The following CAMKMT variants were observed in gnomAD, a reference collection of about 807,000 sequenced individuals.
CAMKMT encodes calmodulin-lysine N-methyltransferase, also known as CaM KMT.
In CAMKMT, 53 loss-of-function variants were observed where a neutral mutation model predicts 48.0. The ratio of observed to expected loss-of-function variants is 1.10; its 90% CI spans 0.89 to 1.39. The LOEUF is 1.39. Among genes scored for constraint, CAMKMT ranks in the 40% most tolerant of loss-of-function variants. CAMKMT has a pLI of 0.00. For synonymous variants in CAMKMT, 165 were observed against 152.3 expected (o/e 1.08, Z -0.61); for missense variants, 428 against 402.7 (o/e 1.06, Z -0.54).
intron 3 of CAMKMT, among the ~76,000 whole-genome samples, chr2:44,466,371 G>C (rs1029972120): frequency 6.6e-6 from 1 of 152,084 alleles, no homozygotes; most frequent in Non-Finnish European, 1.5e-5. Context: ...AACATCAAAA[G>C]GGAAACTGGA....
At chr2:44,761,795 G>A (rs1680631146) in intron 9 of CAMKMT, among the ~76,000 whole-genome samples, 1 of 152,194 alleles carries the variant, frequency 6.6e-6, no homozygotes, top group Admixed American at 6.5e-5. Context: ...GTGTATGCGT[G>A]TGTGTGTGCT....
intron 3 of CAMKMT, among the ~76,000 whole-genome samples, chr2:44,590,426 C>G (rs951060771): frequency 2.0e-5 from 3 of 152,152 alleles, no homozygotes; most frequent in Non-Finnish European, 2.9e-5. Context: ...CTACAAATTT[C>G]TGACTTTTTA....
intron 3 of CAMKMT, among the ~76,000 whole-genome samples, chr2:44,574,270 G>A (rs373201996): frequency 6.6e-6 from 1 of 152,170 alleles, no homozygotes; most frequent in Non-Finnish European, 1.5e-5. Context: ...GCCTTTATTG[G>A]GGTTTTCACA....
intron 3 of CAMKMT, among the ~76,000 whole-genome samples, chr2:44,511,486 A>G (rs1234845089): frequency 2.2e-4 from 33 of 151,836 alleles, no homozygotes; most frequent in Admixed American, 2.1e-3. Context: ...ACAGGGTATC[A>G]CCATGTTAGC....
chr2:44,429,703 A>G (rs1257779302), intron 3 of CAMKMT, among the ~76,000 whole-genome samples: 1 of 146,508 alleles, frequency 6.8e-6, no homozygotes, highest in Non-Finnish European at 1.5e-5. Flanking sequence ...CGGGAGGCTG[A>G]GGCAGGAGAA....
intron 8 of CAMKMT, among the ~76,000 whole-genome samples, chr2:44,751,257 T>A (rs1680143442): frequency 6.6e-6 from 1 of 152,134 alleles, no homozygotes; most frequent in Non-Finnish European, 1.5e-5. Context: ...CCTAAACCAG[T>A]CAGTGCTCTC....
In CAMKMT at chr2:44,453,448, A is replaced by G. The variant is rs148686819; in HGVS notation, c.376+63143A>G. On this transcript the variant is annotated intron_variant, in intron 3 of 10. Transcript: ENST00000378494. ...TAAACATAATAATGCACATTGCCCAATTGCTTCTGTGTATGATACAGGTTC... is the reference window on the plus strand; with the variant it reads ...TAAACATAATAATGCACATTGCCCAGTTGCTTCTGTGTATGATACAGGTTC... Among the ~76,000 whole-genome samples the G allele has an allele frequency of 2.0e-3, 302 of 152,172 alleles. 1 individual carries two copies. The highest frequency in any genetic ancestry group is 0.01 in the Middle Eastern group (3 of 294).
chr2:44,389,539 G>T (rs1360123838), intron 2 of CAMKMT, among the ~76,000 whole-genome samples: 2 of 152,106 alleles, frequency 1.3e-5, no homozygotes, highest in Admixed American at 6.5e-5. Context: ...GTAGAGGATT[G>T]TAGATGGATT....
chr2:44,533,245 T>TA (rs1405339644), intron 3 of CAMKMT, among the ~76,000 whole-genome samples: 1 of 151,826 alleles, frequency 6.6e-6, no homozygotes, highest in Non-Finnish European at 1.5e-5. Flanking sequence ...ATAACAGATT[T>TA]TTTTTTTTTT....
intron 3 of CAMKMT, among the ~76,000 whole-genome samples, chr2:44,475,955 T>G (rs766655653): frequency 2.0e-4 from 30 of 152,364 alleles, no homozygotes; most frequent in Non-Finnish European, 2.6e-4. Flanking sequence ...GAAACCTTTT[T>G]GTTTCTTATC....
At chr2:44,592,172 C>T (rs1020177852) in intron 3 of CAMKMT, among the ~76,000 whole-genome samples, 4 of 151,600 alleles carry the variant, frequency 2.6e-5, no homozygotes, top group Non-Finnish European at 5.9e-5. Flanking sequence ...ATGTAACTAA[C>T]CTGAATATTG....
intron 9 of CAMKMT, among the ~76,000 whole-genome samples, chr2:44,764,376 T>C (rs966331213): frequency 7.4e-6 from 1 of 135,130 alleles, no homozygotes; most frequent in African/African-American, 2.8e-5. Context: ...TTTCTAATCT[T>C]ACATCAGTAT....
At chr2:44,504,004 A>AGAGAGT (rs1235421199) in intron 3 of CAMKMT, among the ~76,000 whole-genome samples, 1 of 151,374 alleles carries the variant, frequency 6.6e-6, no homozygotes, top group Non-Finnish European at 1.5e-5. Context: ...AGAGAGAGAG[A>AGAGAGT]GAGAAAACGA....
intron 3 of CAMKMT, among the ~76,000 whole-genome samples, chr2:44,425,061 C>T (rs1297402386): frequency 1.3e-5 from 2 of 152,144 alleles, no homozygotes; most frequent in East Asian, 3.8e-4. Flanking sequence ...AATTAGAACA[C>T]ATTCAATATT....
chr2:44,398,898 A>C (rs1682104430), intron 3 of CAMKMT, among the ~76,000 whole-genome samples: 1 of 152,142 alleles, frequency 6.6e-6, no homozygotes, highest in Non-Finnish European at 1.5e-5. Flanking sequence ...TTGTGTGTAT[A>C]TACTCCATGT....
At chr2:44,434,008 A>T (rs942758330) in intron 3 of CAMKMT, among the ~76,000 whole-genome samples, 1 of 152,176 alleles carries the variant, frequency 6.6e-6, no homozygotes, top group Non-Finnish European at 1.5e-5. Flanking sequence ...CTGCCTGCCA[A>T]CTAGATGTAT....
At chr2:44,388,569 G>A (rs1572718565) in intron 2 of CAMKMT, among the ~76,000 whole-genome samples, 3 of 152,060 alleles carry the variant, frequency 2.0e-5, no homozygotes, top group Admixed American at 6.5e-5. Flanking sequence ...TTTTTTGGGG[G>A]TGCTAAAGAG....
At chr2:44,598,869 A>T (rs1030620661) in intron 3 of CAMKMT, among the ~76,000 whole-genome samples, 2 of 151,428 alleles carry the variant, frequency 1.3e-5, no homozygotes, top group Admixed American at 1.3e-4. Flanking sequence ...CAGTACATAT[A>T]CCAAACCTCA....
At chr2:44,749,984 A>T (rs1315704095) in intron 8 of CAMKMT, among the ~76,000 whole-genome samples, 1 of 152,210 alleles carries the variant, frequency 6.6e-6, no homozygotes, top group East Asian at 1.9e-4. Context: ...GAGATGGCTG[A>T]TGCACAAGGT....
Sources: gnomAD v4.1 joint callset for allele counts (sites outside exome capture counted in the v4.1 genomes callset) on GRCh38, gnomAD v4.1.1 for gene constraint, MANE v1.5 for transcripts, NCBI Gene and HGNC (gene_info 2026-07-23, HGNC 2026-07-21) for gene names.